LRRC7: variants seen among roughly 807,000 people sequenced by gnomAD.
The protein encoded by LRRC7 is leucine rich repeat containing 7.
A neutral mutation model predicts 175.7 loss-of-function variants in LRRC7; 23 were observed. The observed-to-expected ratio is 0.13, with a 90% confidence interval of 0.09 to 0.19. LRRC7 has a LOEUF of 0.19. Ranked by LOEUF, LRRC7 falls within the 10% of genes least tolerant of loss-of-function variation. The pLI, the probability that LRRC7 is intolerant of heterozygous loss-of-function variation, is 1.00. For missense variants in LRRC7, 1,354 were observed against 1,904.7 expected, an observed-to-expected ratio of 0.71 and a Z score of 5.38; for synonymous variants, 685 against 680.9, an observed-to-expected ratio of 1.01 and a Z score of -0.09.
chr1:69,958,702 A>G (rs1352775572), intron 8 of LRRC7, among the ~76,000 whole-genome samples: 1 of 151,984 alleles, frequency 6.6e-6, no homozygotes, highest in Non-Finnish European at 1.5e-5. Flanking sequence ...TAATGGGAGA[A>G]AACTACTGAA....
intron 25 of LRRC7, among the ~76,000 whole-genome samples, chr1:70,097,258 C>G (rs1269450138): frequency 6.6e-6 from 1 of 152,132 alleles, no homozygotes; most frequent in Non-Finnish European, 1.5e-5. Context: ...TTGCCCCCAG[C>G]CTTTCTGACT....
rs1167002734 is a variant in LRRC7, at chr1:70,126,050, T to C, written c.*4163T>C. 2.0e-5 allele frequency among the ~76,000 whole-genome samples: 3 copies of C among 152,132 alleles called. No individual in the cohort carries two copies. The highest frequency in any genetic ancestry group is 2.9e-5 in the Non-Finnish European group (2 of 68,026). On this transcript the variant is annotated 3_prime_UTR_variant, in exon 27 of 27. Coordinates refer to ENST00000651989, the MANE Select transcript of LRRC7 (RefSeq NM_001370785.2). ...ACCTTGTCTTTCCGTTTAGTATGTTTACTAACTGTTAAGGACAGTCTTAAC... is the reference window on the plus strand; with the variant it reads ...ACCTTGTCTTTCCGTTTAGTATGTTCACTAACTGTTAAGGACAGTCTTAAC...
intron 1 of LRRC7, among the ~76,000 whole-genome samples, chr1:69,569,042 G>C (rs1006526565): frequency 6.7e-6 from 1 of 149,192 alleles, no homozygotes; most frequent in Non-Finnish European, 1.5e-5. Context: ...AGGTGTCTGA[G>C]GGATGAAGCG....
intron 1 of LRRC7, among the ~76,000 whole-genome samples, chr1:69,626,763 C>G (rs530321779): frequency 1.4e-5 from 2 of 139,746 alleles, no homozygotes; most frequent in East Asian, 4.6e-4. Flanking sequence ...GTGATGTTCC[C>G]CATCCTGTGT....
intron 2 of LRRC7, among the ~76,000 whole-genome samples, chr1:69,754,993 T>C (rs186418667): frequency 2.4e-4 from 36 of 151,952 alleles, no homozygotes; most frequent in African/African-American, 7.7e-4. Context: ...TAACTCTCAG[T>C]GTCTGGGTAG....
chr1:69,595,414 C>CA (rs1448297739), intron 1 of LRRC7, among the ~76,000 whole-genome samples: 1 of 152,066 alleles, frequency 6.6e-6, no homozygotes, highest in African/African-American at 2.4e-5. Context: ...GACTCCATCT[C>CA]AAAAAACAAA....
At chr1:69,791,949 A>G (rs894048156) in intron 3 of LRRC7, 94 bp from the exon 4 acceptor site, 3 of 765,716 alleles carry the variant, frequency 3.9e-6, no homozygotes, top group Non-Finnish European at 4.4e-6. Flanking sequence ...TTTTACTACT[A>G]CATATATAAA....
chr1:69,572,864 G>A (rs1329711748), intron 1 of LRRC7, among the ~76,000 whole-genome samples: 3 of 152,046 alleles, frequency 2.0e-5, no homozygotes, highest in Non-Finnish European at 4.4e-5. Context: ...AGTAATGTGT[G>A]TGTGGGGTAT....
intron 2 of LRRC7, among the ~76,000 whole-genome samples, chr1:69,718,138 G>GAAAGAAAGAAAGAAAGAAAGAA (rs772161376): frequency 0.052 from 2,080 of 40,222 alleles, 53 homozygotes; most frequent in South Asian, 0.065. Context: ...AAGAAAGAAA[G>GAAAGAAAGAAAGAAAGAAAGAA]AGAGAGAAAG....
intron 8 of LRRC7, 75 bp from the exon 9 acceptor site, chr1:69,980,304 C>T (rs749612704): frequency 2.5e-6 from 3 of 1,201,792 alleles, no homozygotes; most frequent in Non-Finnish European, 3.7e-6. Flanking sequence ...CAAGAAATTA[C>T]ATCTTATGTT....
chr1:69,827,560 T>G (rs1211110220), intron 5 of LRRC7, among the ~76,000 whole-genome samples: 1 of 152,112 alleles, frequency 6.6e-6, no homozygotes, highest in Admixed American at 6.6e-5. Flanking sequence ...TACAATAAAA[T>G]TTACTCTGGC....
chr1:69,627,513 A>T (rs1651793314), intron 1 of LRRC7, among the ~76,000 whole-genome samples: 1 of 152,076 alleles, frequency 6.6e-6, no homozygotes. Flanking sequence ...ATTTTCTCCC[A>T]TTCTGTAGGT....
chr1:69,704,714 T>C (rs1663803531), intron 2 of LRRC7, among the ~76,000 whole-genome samples: 2 of 152,002 alleles, frequency 1.3e-5, no homozygotes, highest in African/African-American at 4.8e-5. Context: ...TCTTCATAAA[T>C]CTAATACATT....
At chr1:69,985,647 C>A (rs1187844507) in intron 9 of LRRC7, among the ~76,000 whole-genome samples, 1 of 152,204 alleles carries the variant, frequency 6.6e-6, no homozygotes, top group Admixed American at 6.5e-5. Context: ...ACTCCCCATC[C>A]ACCCAGCTCC....
At chr1:69,746,878 T>C (rs1669313673) in intron 2 of LRRC7, among the ~76,000 whole-genome samples, 1 of 152,156 alleles carries the variant, frequency 6.6e-6, no homozygotes, top group Non-Finnish European at 1.5e-5. Flanking sequence ...TATCTCACAG[T>C]TCTGGAGCCT....
intron 2 of LRRC7, among the ~76,000 whole-genome samples, chr1:69,701,872 T>C (rs780638189): frequency 6.6e-6 from 1 of 152,220 alleles, no homozygotes; most frequent in Non-Finnish European, 1.5e-5. Flanking sequence ...AATTTAAAAA[T>C]CATATCACTA....
intron 25 of LRRC7, among the ~76,000 whole-genome samples, chr1:70,097,007 G>A (rs1664453927): frequency 6.6e-6 from 1 of 152,172 alleles, no homozygotes; most frequent in South Asian, 2.1e-4. Flanking sequence ...TACACTGTCA[G>A]TCTCAGATGT....
intron 1 of LRRC7, among the ~76,000 whole-genome samples, chr1:69,616,706 G>A (rs1486019731): frequency 6.6e-6 from 1 of 151,996 alleles, no homozygotes; most frequent in Admixed American, 6.6e-5. Context: ...TTTAGGCTCT[G>A]CCTTAAAGAT....
intron 1 of LRRC7, among the ~76,000 whole-genome samples, chr1:69,583,704 G>A (rs563575558): frequency 2.0e-5 from 3 of 152,084 alleles, no homozygotes; most frequent in Non-Finnish European, 1.5e-5. Context: ...GGCATTATTC[G>A]TTATTTTCAG....
Sources: allele counts gnomAD v4.1 joint callset (sites outside exome capture counted in the v4.1 genomes callset), GRCh38; gene constraint gnomAD v4.1.1; transcripts MANE v1.5; gene names NCBI Gene and HGNC (gene_info 2026-07-23, HGNC 2026-07-21).